Variants in SLC35F1 observed in about 807,000 individuals in gnomAD.
SLC35F1 encodes chromosome 6 open reading frame 169.
Under a neutral mutation model 48.7 loss-of-function variants are expected in SLC35F1, and 14 were observed. The ratio of observed to expected loss-of-function variants is 0.29; its 90% CI spans 0.19 to 0.45. The LOEUF (loss-of-function observed/expected upper bound fraction) is 0.45, where lower values mean the gene tolerates loss of function less well. SLC35F1 is among the 20% of genes least tolerant of loss of function. SLC35F1 has a pLI of 1.00. For missense variants in SLC35F1, 404 were observed against 500.0 expected (o/e 0.81, Z 1.83); for synonymous variants, 190 against 202.2 (o/e 0.94, Z 0.51).
intron 1 of SLC35F1, among the ~76,000 whole-genome samples, chr6:117,996,412 G>A (rs1776991883): frequency 6.6e-6 from 1 of 152,208 alleles, no homozygotes; most frequent in Non-Finnish European, 1.5e-5. Flanking sequence ...TTCCGTCTGA[G>A]CTTTGAAGAG....
At chr6:118,027,042 T>A (rs1010526036) in intron 1 of SLC35F1, among the ~76,000 whole-genome samples, 1 of 152,230 alleles carries the variant, frequency 6.6e-6, no homozygotes, top group Non-Finnish European at 1.5e-5. Flanking sequence ...CAGAATGTCA[T>A]AAATGGATGA....
At chr6:118,181,080 G>T (rs1382253952) in intron 2 of SLC35F1, among the ~76,000 whole-genome samples, 3 of 151,932 alleles carry the variant, frequency 2.0e-5, no homozygotes, top group Admixed American at 6.6e-5. Context: ...AAAAAAGAGG[G>T]TATATTGAAG....
rs1451259513 is a variant in SLC35F1 at position 118,314,444 on chromosome 6, A to G, written c.*192A>G. 5.0e-6 allele frequency: 3 copies of G among 598,130 alleles called. No homozygotes were observed. The Admixed American group carries it at 8.8e-5, about 18-fold the overall frequency. 37.1% of individuals were successfully genotyped at this position (598,130 alleles called of 1,614,324 possible). A position where few individuals can be genotyped will look rare whatever the true frequency, so the allele number is the denominator to read the frequency against. On this transcript the variant is annotated 3_prime_UTR_variant, in exon 8 of 8. Coordinates refer to ENST00000360388, the MANE Select transcript of SLC35F1 (RefSeq NM_001029858.4). ...GGAGACACAGGCTCTAATCCACCTGACTTGGAAGGATGCCTAGCTAACGTG... is the reference window on the plus strand; with the variant it reads ...GGAGACACAGGCTCTAATCCACCTGGCTTGGAAGGATGCCTAGCTAACGTG...
At chr6:117,909,432 G>T (rs1366131888) in intron 1 of SLC35F1, among the ~76,000 whole-genome samples, 1 of 151,936 alleles carries the variant, frequency 6.6e-6, no homozygotes, top group Non-Finnish European at 1.5e-5. Context: ...TCAATTATAA[G>T]TTATTACTGA....
chr6:118,162,205 C>G (rs141851112), intron 2 of SLC35F1, among the ~76,000 whole-genome samples: 9 of 152,208 alleles, frequency 5.9e-5, no homozygotes, highest in Middle Eastern at 3.4e-3. Context: ...GCTACTGATA[C>G]GTATAATAGT....
intron 1 of SLC35F1, among the ~76,000 whole-genome samples, chr6:117,957,693 C>T (rs56292955): frequency 0.23 from 35,243 of 152,080 alleles, 4,614 homozygotes; most frequent in Admixed American, 0.33. Context: ...AAATTTCTAT[C>T]GCCTAATGAT....
At chr6:118,071,218 G>A (rs1264899717) in intron 1 of SLC35F1, among the ~76,000 whole-genome samples, 1 of 146,836 alleles carries the variant, frequency 6.8e-6, no homozygotes, top group Admixed American at 6.8e-5. Context: ...TATATACTAT[G>A]TGTATATATT....
At chr6:118,310,756 G>T (rs1374814816) in intron 7 of SLC35F1, among the ~76,000 whole-genome samples, 2 of 152,060 alleles carry the variant, frequency 1.3e-5, no homozygotes, top group African/African-American at 4.8e-5. Context: ...TTAAATAGAA[G>T]TGCATTAAAA....
At chr6:118,228,056 A>C (rs1775240709) in intron 2 of SLC35F1, among the ~76,000 whole-genome samples, 1 of 152,226 alleles carries the variant, frequency 6.6e-6, no homozygotes, top group South Asian at 2.1e-4. Context: ...CCTGTGGCTA[A>C]ACTCAGGTCC....
In SLC35F1 at chr6:117,973,940, C is replaced by T. The variant is rs1776675079; in HGVS notation, c.173+66041C>T. On this transcript the variant is annotated intron_variant, in intron 1 of 7. Transcript: ENST00000360388. Reference sequence around the variant, plus strand: ...CCAAGGTAAACTACATCCAGTGAATCTTGACATTGCTTTGGGTTTAGCTCT... The same window carrying T: ...CCAAGGTAAACTACATCCAGTGAATTTTGACATTGCTTTGGGTTTAGCTCT... Among the ~76,000 whole-genome samples the T allele has an allele frequency of 2.0e-5, 3 of 152,150 alleles. 1 individual carries two copies. The South Asian group carries it at 6.2e-4, about 32-fold the overall frequency.
At chr6:118,020,642 A>G (rs1777381722) in intron 1 of SLC35F1, among the ~76,000 whole-genome samples, 1 of 152,216 alleles carries the variant, frequency 6.6e-6, no homozygotes, top group African/African-American at 2.4e-5. Context: ...CAGCTGGAAG[A>G]TTCAATCCCC....
At chr6:118,228,975 G>A (rs984577829) in intron 2 of SLC35F1, among the ~76,000 whole-genome samples, 1 of 151,128 alleles carries the variant, frequency 6.6e-6, no homozygotes, top group African/African-American at 2.4e-5. Context: ...AATTCATCTA[G>A]GGTGCTGTCT....
intron 1 of SLC35F1, among the ~76,000 whole-genome samples, chr6:118,119,325 A>C (rs557577803): frequency 2.0e-5 from 3 of 152,266 alleles, no homozygotes; most frequent in African/African-American, 7.2e-5. Flanking sequence ...GAACATGATA[A>C]TTTTGTACCA....
intron 1 of SLC35F1, among the ~76,000 whole-genome samples, chr6:118,107,511 T>G (rs1200825625): frequency 6.6e-6 from 1 of 152,200 alleles, no homozygotes; most frequent in Admixed American, 6.5e-5. Flanking sequence ...AGAAAAGATT[T>G]TCTCCATTGT....
At chr6:117,924,601 T>G (rs1776004861) in intron 1 of SLC35F1, among the ~76,000 whole-genome samples, 1 of 151,918 alleles carries the variant, frequency 6.6e-6, no homozygotes, top group South Asian at 2.1e-4. Flanking sequence ...GGCTTTTAAA[T>G]TCCTGCTCCA....
Position 117,948,709 on chromosome 6 carries a change from G to A in SLC35F1, c.173+40810G>A, listed in dbSNP as rs368291683. On this transcript the variant is annotated intron_variant, in intron 1 of 7. Transcript: ENST00000360388. The stretch of plus-strand genomic sequence containing the variant: ...AAAGAGTTCCCATTCATGTGTGAAT[G>A]AGCAATTATAATATAGGCTGATGTG... Among the ~76,000 whole-genome samples, 99 of 152,256 alleles carry A rather than the reference G, an allele frequency of 6.5e-4. 2 individuals carry two copies. In the South Asian group the frequency reaches 0.02, roughly 31 times the overall value.
chr6:118,051,648 C>T (rs1297843861), intron 1 of SLC35F1, among the ~76,000 whole-genome samples: 1 of 151,822 alleles, frequency 6.6e-6, no homozygotes, highest in Non-Finnish European at 1.5e-5. Context: ...AGGAACCGAA[C>T]ATATGTGAAA....
At chr6:117,969,075 A>C (rs2355793) in intron 1 of SLC35F1, among the ~76,000 whole-genome samples, 60,499 of 151,960 alleles carry the variant, frequency 0.4, 12,511 homozygotes, top group South Asian at 0.54. Context: ...TATATTATCT[A>C]CCCCATGTGC....
chr6:118,023,362 G>A (rs1208261502), intron 1 of SLC35F1, among the ~76,000 whole-genome samples: 2 of 152,110 alleles, frequency 1.3e-5, no homozygotes, highest in African/African-American at 2.4e-5. Context: ...TGAGAGTGTG[G>A]CCCTGTGTGG....
Sources: allele counts gnomAD v4.1 joint callset (sites outside exome capture counted in the v4.1 genomes callset), GRCh38; gene constraint gnomAD v4.1.1; transcripts MANE v1.5; gene names NCBI Gene and HGNC (gene_info 2026-07-23, HGNC 2026-07-21).